The following TNNI3K variants were observed in gnomAD, a reference collection of about 807,000 sequenced individuals.
TNNI3K encodes TNNI3 interacting kinase.
A neutral mutation model predicts 114.5 loss-of-function variants in TNNI3K; 140 were observed. The ratio of observed to expected loss-of-function variants is 1.22; its 90% CI spans 1.07 to 1.41. TNNI3K has a LOEUF of 1.41. TNNI3K is among the 40% of genes most tolerant of loss of function. TNNI3K has a pLI of 0.00. For missense variants in TNNI3K, 1,125 were observed against 1,007.6 expected, an observed-to-expected ratio of 1.12 and a Z score of -1.58; for synonymous variants, 347 against 347.5, an observed-to-expected ratio of 1.00 and a Z score of 0.02.
chr1:74,302,385 G>A (rs1029000525), intron 5 of TNNI3K, among the ~76,000 whole-genome samples: 2 of 152,136 alleles, frequency 1.3e-5, no homozygotes, highest in African/African-American at 2.4e-5. Flanking sequence ...GTGTTCAAGT[G>A]AAAGGAAAAA....
chr1:74,345,701 T>C (rs1310434451), intron 9 of TNNI3K, among the ~76,000 whole-genome samples: 1 of 152,098 alleles, frequency 6.6e-6, no homozygotes, highest in African/African-American at 2.4e-5. Flanking sequence ...ATACCTCATA[T>C]CTCTTCATGA....
At chr1:74,533,870 CAT>C (rs751801518) in intron 23 of TNNI3K, among the ~76,000 whole-genome samples, 35 of 152,172 alleles carry the variant, frequency 2.3e-4, no homozygotes, top group Non-Finnish European at 3.8e-4. Context: ...AATGAGAAGA[CAT>C]GTGCTATTAT....
intron 17 of TNNI3K, among the ~76,000 whole-genome samples, chr1:74,422,974 A>C (rs563035364): frequency 6.6e-6 from 1 of 152,176 alleles, no homozygotes; most frequent in East Asian, 1.9e-4. Flanking sequence ...CAGTTGGTGG[A>C]TTCATGAGTA....
intron 17 of TNNI3K, among the ~76,000 whole-genome samples, chr1:74,381,770 G>A (rs1014343451): frequency 2.0e-5 from 3 of 152,164 alleles, no homozygotes; most frequent in Non-Finnish European, 2.9e-5. Flanking sequence ...GGGTTAGCAA[G>A]GTTATTTGAT....
At chr1:74,503,724 T>C (rs1373512775) in intron 23 of TNNI3K, among the ~76,000 whole-genome samples, 1 of 152,236 alleles carries the variant, frequency 6.6e-6, no homozygotes, top group African/African-American at 2.4e-5. Context: ...TCTAAGCAAG[T>C]GCCACGATGC....
At chr1:74,480,934 G>C (rs1443270271) in intron 21 of TNNI3K, 1 of 716,960 alleles carries the variant, frequency 1.4e-6, no homozygotes, top group Non-Finnish European at 2.6e-6. Context: ...GATATCCATC[G>C]GTGATGATTA....
chr1:74,291,602 T>A (rs1325247250), intron 5 of TNNI3K, among the ~76,000 whole-genome samples: 1 of 151,560 alleles, frequency 6.6e-6, no homozygotes, highest in East Asian at 1.9e-4. Context: ...TATTCTATCC[T>A]AAGTTGACTG....
intron 23 of TNNI3K, among the ~76,000 whole-genome samples, chr1:74,531,223 T>C (rs1387697089): frequency 6.6e-6 from 1 of 152,196 alleles, no homozygotes; most frequent in Admixed American, 6.5e-5. Flanking sequence ...CCATTCTCTG[T>C]AATGGGAGCA....
intron 17 of TNNI3K, among the ~76,000 whole-genome samples, chr1:74,427,377 T>G (rs951795058): frequency 2.6e-5 from 4 of 151,420 alleles, no homozygotes; most frequent in Non-Finnish European, 5.9e-5. Flanking sequence ...CATACTTAAA[T>G]GTAACATATC....
At chr1:74,395,023 G>A (rs1435373264) in intron 17 of TNNI3K, among the ~76,000 whole-genome samples, 5 of 148,204 alleles carry the variant, frequency 3.4e-5, no homozygotes, top group South Asian at 4.3e-4. Context: ...CAGCCTGGGC[G>A]ACAGAGCAAG....
intron 17 of TNNI3K, among the ~76,000 whole-genome samples, chr1:74,392,266 T>A (rs935053820): frequency 6.6e-6 from 1 of 152,182 alleles, no homozygotes; most frequent in Non-Finnish European, 1.5e-5. Flanking sequence ...GATAAGGGAA[T>A]AATCTGGTAC....
chr1:74,237,793 C>A (rs562356837), intron 2 of TNNI3K, among the ~76,000 whole-genome samples: 2 of 151,886 alleles, frequency 1.3e-5, no homozygotes, highest in Non-Finnish European at 2.9e-5. Context: ...AGTGCCAGCT[C>A]GTATTCAAGT....
At chr1:74,470,247 T>A (rs573306318) in intron 21 of TNNI3K, 2 of 400,732 alleles carry the variant, frequency 5.0e-6, no homozygotes, top group South Asian at 2.5e-4. Flanking sequence ...CATCATGTAA[T>A]ATATATTTTT....
intron 5 of TNNI3K, among the ~76,000 whole-genome samples, chr1:74,307,777 A>T (rs936277131): frequency 2.4e-4 from 37 of 152,220 alleles, no homozygotes; most frequent in Admixed American, 7.2e-4. Context: ...ATCCTGGCCA[A>T]CATGGTGAAA....
At chr1:74,250,021 C>G (rs1654831299) in intron 3 of TNNI3K, among the ~76,000 whole-genome samples, 1 of 152,166 alleles carries the variant, frequency 6.6e-6, no homozygotes, top group Non-Finnish European at 1.5e-5. Context: ...ATCAATGTAT[C>G]TCAAGTAATT....
At chr1:74,250,627 C>T in intron 3 of TNNI3K, 45 bp from the exon 4 acceptor site, 1 of 1,576,942 alleles carries the variant, frequency 6.3e-7, no homozygotes, top group Non-Finnish European at 8.6e-7. Flanking sequence ...TCAAACTCAC[C>T]CCATCCCCAC....
At chr1:74,285,529 G>GTT (rs58077835) in intron 5 of TNNI3K, among the ~76,000 whole-genome samples, 2,205 of 152,134 alleles carry the variant, frequency 0.014, 56 homozygotes, top group African/African-American at 0.05. Context: ...CAACCACAAT[G>GTT]TTTTTTTGTA....
intron 21 of TNNI3K, among the ~76,000 whole-genome samples, chr1:74,467,279 A>C (rs192081252): frequency 8.5e-5 from 13 of 152,314 alleles, no homozygotes; most frequent in African/African-American, 3.1e-4. Flanking sequence ...CTTTAGATGG[A>C]GGACACTAAC....
chr1:74,387,219 A>G (rs79730237), intron 17 of TNNI3K, among the ~76,000 whole-genome samples: 1 of 152,320 alleles, frequency 6.6e-6, no homozygotes, highest in African/African-American at 2.4e-5. Flanking sequence ...AGAATATGTT[A>G]AGGAAAAGTG....
Sources: allele counts gnomAD v4.1 joint callset (sites outside exome capture counted in the v4.1 genomes callset), GRCh38; gene constraint gnomAD v4.1.1; transcripts MANE v1.5; gene names NCBI Gene and HGNC (gene_info 2026-07-23, HGNC 2026-07-21).